The following PCDHGA9 variants were observed in gnomAD, a reference collection of about 807,000 sequenced individuals.
PCDHGA9 encodes the protein protocadherin gamma subfamily A, 9.
A neutral mutation model predicts 62.5 loss-of-function variants in PCDHGA9; 37 were observed. The ratio of observed to expected loss-of-function variants is 0.59; its 90% CI spans 0.46 to 0.78. PCDHGA9 has a LOEUF of 0.78. Among genes scored for constraint, PCDHGA9 ranks in the 30% least tolerant of loss-of-function variants. The pLI is 0.00. For synonymous variants in PCDHGA9, 459 were observed against 484.6 expected, an observed-to-expected ratio of 0.95 and a Z score of 0.69; for missense variants, 1,138 against 1,166.2, an observed-to-expected ratio of 0.98 and a Z score of 0.35.
rs200757040 is a variant in PCDHGA9, at chr5:141,431,080, C to T, written c.2424+25704C>T. 3 of 1,614,044 alleles carry T rather than the reference C, an allele frequency of 1.9e-6. No homozygotes were observed. The highest frequency in any genetic ancestry group is 2.5e-6 in the Non-Finnish European group (3 of 1,180,010). ...CCATCAAGTGTCAATTAAATCTAGA[C>T]ATTCTGATGGAGGATAAAGTGAAAA... On this transcript the variant is annotated intron_variant, in intron 1 of 3. Coordinates refer to ENST00000573521, the MANE Select transcript of PCDHGA9 (RefSeq NM_018921.3). This position sits in a 1 kb window ranked among gnomAD's most constrained non-coding sequence, Gnocchi z 4.8.
intron 1 of PCDHGA9, chr5:141,427,265 C>A (rs767369457): frequency 6.6e-6 from 3 of 456,572 alleles, no homozygotes; most frequent in Non-Finnish European, 8.8e-6. Context: ...GCATGACCAG[C>A]GAATGTAAAA....
intron 2 of PCDHGA9, among the ~76,000 whole-genome samples, chr5:141,501,966 C>A (rs1046026111): frequency 1.3e-5 from 2 of 152,118 alleles, no homozygotes; most frequent in African/African-American, 4.8e-5. Context: ...ATCCTCCTAA[C>A]CTCTGGCATC....
chr5:141,457,676 A>G (rs1380484149), intron 1 of PCDHGA9, among the ~76,000 whole-genome samples: 2 of 152,240 alleles, frequency 1.3e-5, no homozygotes, highest in East Asian at 3.8e-4. Flanking sequence ...TTATTTCTAC[A>G]TAGGACTTTT....
rs376661062 is a variant in PCDHGA9, at chr5:141,432,185, G to T, written c.2424+26809G>T. 6.2e-6 allele frequency: 10 copies of T among 1,613,956 alleles called. No individual in the cohort carries two copies. The highest frequency in any genetic ancestry group is 8.5e-6 in the Non-Finnish European group (10 of 1,180,030). ...AGGAGTTTCCCTCGTCTCTGTGACC[G>T]CCCACGACCCCGACTGTGAAGAGAA... On this transcript the variant is annotated intron_variant, in intron 1 of 3. Coordinates refer to ENST00000573521, the MANE Select transcript of PCDHGA9 (RefSeq NM_018921.3). The surrounding 1 kb of genome is among the most constrained non-coding windows in gnomAD (Gnocchi z 6.0).
intron 1 of PCDHGA9, among the ~76,000 whole-genome samples, chr5:141,466,183 T>G (rs145148468): frequency 2.0e-5 from 3 of 152,138 alleles, no homozygotes; most frequent in Middle Eastern, 3.4e-3. Flanking sequence ...TATTTTTATT[T>G]TTTTTCAGAC....
chr5:141,472,132 A>C (rs1004365239), intron 1 of PCDHGA9, among the ~76,000 whole-genome samples: 3 of 152,272 alleles, frequency 2.0e-5, no homozygotes, highest in African/African-American at 7.2e-5. Flanking sequence ...GAGAAGTTAA[A>C]AATAAAAGTT....
At chr5:141,478,127 C>A (rs1323163663) in intron 1 of PCDHGA9, 1 of 1,614,106 alleles carries the variant, frequency 6.2e-7, no homozygotes, top group South Asian at 1.1e-5. Flanking sequence ...CGAGGACTCT[C>A]CTGAAGCCCG....
At chr5:141,440,605 C>G (rs1214459401) in intron 1 of PCDHGA9, 1 of 152,228 alleles carries the variant, frequency 6.6e-6, no homozygotes, top group East Asian at 1.9e-4. Context: ...TGCAACAGAA[C>G]CTGCAGAAGA....
chr5:141,404,079 C>G lies in PCDHGA9; in HGVS notation c.1127C>G (p.Ser376Cys), dbSNP rs768434673. The change falls in exon 1 of 4, where the codon TCC becomes TGC. Residue 376 changes from serine (S) to cysteine (C), a missense_variant. Ser to Cys is a moderately radical substitution (Grantham distance 112). Transcript: ENST00000573521. Reference protein sequence around the residue: ...ILLFNAHDRDSGKNGQVVCSI... With the variant: ...ILLFNAHDRDCGKNGQVVCSI... ...CTTTTCAATGCTCATGACCGAGACT[C>G]CGGGAAGAATGGTCAAGTTGTCTGT... 3.1e-6 allele frequency: 5 copies of G among 1,613,568 alleles called. No homozygotes were observed. In the East Asian group the frequency reaches 1.1e-4, roughly 36 times the overall value.
chr5:141,496,152 C>T (rs771462960), intron 2 of PCDHGA9, among the ~76,000 whole-genome samples: 2 of 152,080 alleles, frequency 1.3e-5, no homozygotes, highest in Non-Finnish European at 1.5e-5. Flanking sequence ...GATCGCAGCT[C>T]TCCACCAGAC....
rs1449407003 is a variant in PCDHGA9 at position 141,403,863 on chromosome 5, C to CA, written c.916dup (p.Ser306LysfsTer5). On this transcript the variant is annotated frameshift_variant, in exon 1 of 4. Transcript: ENST00000573521. LOFTEE classifies it high-confidence loss of function. ...GAAAATACTGGGGAAATATCAACAG[C>CA]AAAAAGTCTAGATTATGAAGAATGT... is the stretch of plus-strand genomic sequence containing the variant. The CA allele has an allele frequency of 6.2e-7, 1 of 1,613,374 alleles. No individual in the cohort carries two copies. The highest frequency in any genetic ancestry group is 8.5e-7 in the Non-Finnish European group (1 of 1,179,714).
At chr5:141,465,833 T>A (rs2099110537) in intron 1 of PCDHGA9, among the ~76,000 whole-genome samples, 1 of 152,002 alleles carries the variant, frequency 6.6e-6, no homozygotes, top group Non-Finnish European at 1.5e-5. Context: ...GTTTAAAATT[T>A]CAACTGAGGC....
chr5:141,457,466 A>C (rs1404739941), intron 1 of PCDHGA9, among the ~76,000 whole-genome samples: 1 of 152,356 alleles, frequency 6.6e-6, no homozygotes, highest in East Asian at 1.9e-4. Context: ...ATTCACAGGA[A>C]TAAGCAGGGC....
Position 141,490,446 on chromosome 5 carries a change from C to T in PCDHGA9, c.2425-4361C>T, listed in dbSNP as rs779502898. 2.5e-6 allele frequency: 4 copies of T among 1,614,196 alleles called. No homozygotes were observed. The highest frequency in any genetic ancestry group is 3.4e-6 in the Non-Finnish European group (4 of 1,180,016). ...CATTTCAGATTAAGCCTTCTGAGAA[C>T]CACTACTCGCTGCTAACCAGCCAGC... On this transcript the variant is annotated intron_variant, in intron 1 of 3. Coordinates refer to ENST00000573521, the MANE Select transcript of PCDHGA9 (RefSeq NM_018921.3). The surrounding 1 kb of genome is among the most constrained non-coding windows in gnomAD (Gnocchi z 5.4).
In PCDHGA9 at chr5:141,489,515, G is replaced by A. The variant is rs983415025; in HGVS notation, c.2425-5292G>A. On this transcript the variant is annotated intron_variant, in intron 1 of 3. Coordinates refer to ENST00000573521, the MANE Select transcript of PCDHGA9 (RefSeq NM_018921.3). The surrounding 1 kb of genome is among the most constrained non-coding windows in gnomAD (Gnocchi z 4.5). ...CTGGCAGTGAATCAAAAGATTGACC[G>A]AGAAAGCCTATGTGGAGCCAGCACC... 2 of 1,614,104 alleles carry A rather than the reference G, an allele frequency of 1.2e-6. No homozygotes were observed. Among genetic ancestry groups the A allele is most frequent in the Non-Finnish European group, 8.5e-7 (1 of 1,180,034 alleles).
At chr5:141,415,074 G>A (rs745950404) in intron 1 of PCDHGA9, 4 of 1,613,448 alleles carry the variant, frequency 2.5e-6, no homozygotes, top group East Asian at 2.2e-5. Flanking sequence ...TGCGCACGGC[G>A]CGAGCCCTGC....
intron 1 of PCDHGA9, chr5:141,418,384 C>A (rs774636792): frequency 1.5e-5 from 25 of 1,613,864 alleles, no homozygotes; most frequent in East Asian, 4.5e-5. Context: ...TAAGTCCTAA[C>A]GAGTATTTCT....
rs766191511 is a variant in PCDHGA9, at chr5:141,432,498, G to T, written c.2424+27122G>T. ...TCCACTGGCGTGGAGCTGGCTCCCC[G>T]CTCCGCAGAGCCCGGCTACCTGGTG... On this transcript the variant is annotated intron_variant, in intron 1 of 3. Coordinates refer to ENST00000573521, the MANE Select transcript of PCDHGA9 (RefSeq NM_018921.3). The surrounding 1 kb of genome is among the most constrained non-coding windows in gnomAD (Gnocchi z 6.0). The T allele has an allele frequency of 6.2e-7, 1 of 1,614,106 alleles. No homozygotes were observed. The highest frequency in any genetic ancestry group is 8.5e-7 in the Non-Finnish European group (1 of 1,180,052).
In PCDHGA9 at chr5:141,487,737, T is replaced by G. The variant is rs1019622307; in HGVS notation, c.2425-7070T>G. 1 of 1,563,758 alleles carries G rather than the reference T, an allele frequency of 6.4e-7. No homozygotes were observed. The highest frequency in any genetic ancestry group is 8.7e-7 in the Non-Finnish European group (1 of 1,152,772). On this transcript the variant is annotated intron_variant, in intron 1 of 3. Transcript: ENST00000573521. This position sits in a 1 kb window ranked among gnomAD's most constrained non-coding sequence, Gnocchi z 5.0. ...GCCCATAGTGATGTCACCATTTTTG[T>G]AAGAGGTAACTATGTGGTAGACGCT...
Sources: allele counts gnomAD v4.1 joint callset (sites outside exome capture counted in the v4.1 genomes callset), GRCh38; gene constraint gnomAD v4.1.1; non-coding constraint Gnocchi (gnomAD v3.1); transcripts MANE v1.5; gene names NCBI Gene and HGNC (gene_info 2026-07-23, HGNC 2026-07-21).